Variants in GRK2 observed in about 807,000 individuals in gnomAD.
GRK2 encodes the protein adrenergic beta receptor kinase 1.
Under a neutral mutation model 97.8 loss-of-function variants are expected in GRK2, and 23 were observed. The observed-to-expected ratio is 0.24, with a 90% CI of 0.17 to 0.33. The LOEUF is 0.33. GRK2 is among the 10% of genes least tolerant of loss of function. GRK2 has a pLI of 1.00. For missense variants in GRK2, 633 were observed against 956.9 expected, an observed-to-expected ratio of 0.66 and a Z score of 4.47; for synonymous variants, 425 against 381.7, an observed-to-expected ratio of 1.11 and a Z score of -1.32.
chr11:67,285,656 C>G lies in GRK2; in HGVS notation c.*206C>G. Reference sequence around the variant, plus strand: ...TGCCCGGCGCCCTCTGTCCTGACTTCAGGGGCTGCCCGCTCCCAGTGTCTT... The same window carrying G: ...TGCCCGGCGCCCTCTGTCCTGACTTGAGGGGCTGCCCGCTCCCAGTGTCTT... On this transcript the variant is annotated 3_prime_UTR_variant, in exon 21 of 21. Transcript: ENST00000308595. The G allele has an allele frequency of 1.7e-6, 1 of 589,260 alleles. No individual in the cohort carries two copies. The allele number at this position is 589,260 out of a possible 1,614,324, so 36.5% of individuals were successfully genotyped here.
chr11:67,284,080 C>T, intron 17 of GRK2, 131 bp downstream of exon 17: 1 of 1,457,192 alleles, frequency 6.9e-7, no homozygotes, highest in South Asian at 1.2e-5. Flanking sequence ...TCCTCCTTGG[C>T]CAACTTCCCT....
intron 1 of GRK2, 25 bp from the exon 2 acceptor site, chr11:67,277,247 C>T: frequency 6.2e-7 from 1 of 1,612,134 alleles, no homozygotes; most frequent in African/African-American, 1.3e-5. Flanking sequence ...GGGGCTTCTG[C>T]TTACTGCGCC....
chr11:67,271,394 G>T (rs1043180722), intron 1 of GRK2, among the ~76,000 whole-genome samples: 5 of 152,256 alleles, frequency 3.3e-5, no homozygotes, highest in Admixed American at 2.0e-4. Flanking sequence ...GTATTAACAT[G>T]TTGGCAGCTC....
At chr11:67,277,096 T>G in intron 1 of GRK2, 176 bp from the exon 2 acceptor site, 2 of 550,170 alleles carry the variant, frequency 3.6e-6, no homozygotes, top group East Asian at 6.5e-5. Flanking sequence ...AGGCAAAGGC[T>G]TCCTTGAAGC....
chr11:67,284,106 C>T (rs1860219003), intron 17 of GRK2, 105 bp from the exon 18 acceptor site: 2 of 1,513,410 alleles, frequency 1.3e-6, no homozygotes, highest in Non-Finnish European at 1.8e-6. Flanking sequence ...GTGGCAGTTG[C>T]ACTGACCATC....
At chr11:67,284,788 TCAAAA>T (rs1590856213) in intron 18 of GRK2, 54 bp from the exon 19 acceptor site, 2 of 1,577,532 alleles carry the variant, frequency 1.3e-6, no homozygotes, top group East Asian at 4.6e-5. Context: ...AGACCCTGTC[TCAAAA>T]CAAAAAAGAA....
At chr11:67,277,498 C>T (rs1264355548) in intron 2 of GRK2, 150 bp downstream of exon 2, 2 of 694,524 alleles carry the variant, frequency 2.9e-6, no homozygotes, top group Non-Finnish European at 4.9e-6. Context: ...TGCTCCAAGT[C>T]GCTGCGACCC....
chr11:67,283,270 C>G (rs1860195015), intron 15 of GRK2, 42 bp downstream of exon 15: 1 of 1,548,698 alleles, frequency 6.5e-7, no homozygotes, highest in Admixed American at 1.7e-5. Flanking sequence ...GGCTGTGCCC[C>G]CATGAGGACA....
Position 67,282,779 on chromosome 11 carries a change from C to T in GRK2, c.1188C>T (p.Thr396=), listed in dbSNP as rs748718690. 6.2e-7 allele frequency: 1 copy of T among 1,611,216 alleles called. No individual in the cohort carries two copies. Among genetic ancestry groups the T allele is most frequent in the East Asian group, 2.2e-5 (1 of 44,854 alleles). Residue 396 remains threonine (T), a synonymous_variant, in exon 14 of 21, where the codon ACC becomes ACT. Transcript: ENST00000308595. This position sits in a 1 kb window ranked among gnomAD's most constrained non-coding sequence, Gnocchi z 6.9. ...RGHSPFRQHK[T]KDKHEIDRMT... ...ACAGCCCCTTCCGGCAGCACAAGAC[C>T]AAAGACAAGCATGAGATCGACCGCA...
At chr11:67,284,710 A>G (rs1251362573) in intron 18 of GRK2, 137 bp from the exon 19 acceptor site, 21 of 1,188,892 alleles carry the variant, frequency 1.8e-5, no homozygotes, top group Non-Finnish European at 2.2e-5. Flanking sequence ...GATCGTTTGA[A>G]CCTGGGAGGT....
At position 67,286,278 on chromosome 11, in the gene GRK2, A is replaced by T. The variant is rs557882223; in HGVS notation, c.*828A>T. On this transcript the variant is annotated 3_prime_UTR_variant, in exon 21 of 21. Coordinates refer to ENST00000308595, the MANE Select transcript of GRK2 (RefSeq NM_001619.5). ...ACAGCAAGGAGGCTGGCTGGGGCCTATCAGTGTGCCCCCCATCCTGGCCCA... is the reference window on the plus strand; with the variant it reads ...ACAGCAAGGAGGCTGGCTGGGGCCTTTCAGTGTGCCCCCCATCCTGGCCCA... The T allele has an allele frequency of 1.6e-6, 1 of 623,260 alleles. No individual in the cohort carries two copies. The highest frequency in any genetic ancestry group is 2.9e-6 in the Non-Finnish European group (1 of 348,420). 38.6% of individuals were successfully genotyped at this position (623,260 alleles called of 1,614,324 possible).
In GRK2 at chr11:67,281,728, G is replaced by A; in HGVS notation, c.826G>A (p.Gly276Ser). The change falls in exon 10 of 21, where the codon GGT (glycine) becomes AGT (serine). Residue 276 changes from glycine to serine, a missense_variant and splice_region_variant. Around this residue, in one of 4 missense-constraint regions of GRK2, gnomAD observed 192 missense variants for 362.3 expected, o/e 0.53. Coordinates refer to ENST00000308595, the MANE Select transcript of GRK2 (RefSeq NM_001619.5). This position sits in a 1 kb window ranked among gnomAD's most constrained non-coding sequence, Gnocchi z 5.7. The stretch of plus-strand genomic sequence containing the variant: ...CAGCTTCATCCTGGACCTCATGAAC[G>A]GTGAGTGCTGGCCGGGCCCTAGGGT... ...KLSFILDLMN[G>S]GDLHYHLSQH... 3 of 1,611,524 alleles carry A rather than the reference G, an allele frequency of 1.9e-6. No individual in the cohort carries two copies. The highest frequency in any genetic ancestry group is 2.5e-6 in the Non-Finnish European group (3 of 1,178,902).
intron 1 of GRK2, among the ~76,000 whole-genome samples, chr11:67,268,742 G>A (rs1002323024): frequency 6.6e-6 from 1 of 152,208 alleles, no homozygotes; most frequent in Non-Finnish European, 1.5e-5. Context: ...AGTGATGGCG[G>A]TGATAGCAAT....
rs567332949 is a variant in GRK2, at chr11:67,275,449, C to T, written c.114-1823C>T. Among the ~76,000 whole-genome samples, 9 of 152,296 alleles carry T rather than the reference C, an allele frequency of 5.9e-5. No homozygotes were observed. The East Asian group carries it at 9.7e-4, about 16-fold the overall frequency. On this transcript the variant is annotated intron_variant, in intron 1 of 20. Transcript: ENST00000308595. ...GCCTCATAACCCTTCTCCCGGTCCC[C>T]GACAGCCTGAGCCTTCTCCCACCCA... is the stretch of plus-strand genomic sequence containing the variant.
chr11:67,278,206 C>T (rs1443522730), intron 2 of GRK2, among the ~76,000 whole-genome samples: 1 of 152,232 alleles, frequency 6.6e-6, no homozygotes, highest in South Asian at 2.1e-4. Context: ...GCACTAAAGG[C>T]CAGGCAGTGA....
chr11:67,282,578 G>A lies in GRK2; in HGVS notation c.1160+36G>A. 6.2e-7 allele frequency: 1 copy of A among 1,602,078 alleles called. No homozygotes were observed. The highest frequency in any genetic ancestry group is 8.5e-7 in the Non-Finnish European group (1 of 1,171,178). ...CATCCCAGGTGGGCAGGTGGGTTGG[G>A]GCTAAGAGAAGTTCCTCCCCAATCC... On this transcript the variant is annotated intron_variant, in intron 13 of 20. Coordinates refer to ENST00000308595, the MANE Select transcript of GRK2 (RefSeq NM_001619.5). The surrounding 1 kb of genome is among the most constrained non-coding windows in gnomAD (Gnocchi z 6.9).
At chr11:67,280,349 T>C in intron 6 of GRK2, 1 of 384,808 alleles carries the variant, frequency 2.6e-6, no homozygotes, top group Non-Finnish European at 4.8e-6. Context: ...GCAGCTGTTT[T>C]AGGGTCACTG....
rs998600736 is a variant in GRK2, at chr11:67,281,236, G to A, written c.647+52G>A. 1 of 1,536,986 alleles carries A rather than the reference G, an allele frequency of 6.5e-7. No homozygotes were observed. Among genetic ancestry groups the A allele is most frequent in the Non-Finnish European group, 8.9e-7 (1 of 1,118,806 alleles). On this transcript the variant is annotated intron_variant, in intron 8 of 20. Coordinates refer to ENST00000308595, the MANE Select transcript of GRK2 (RefSeq NM_001619.5). This position sits in a 1 kb window ranked among gnomAD's most constrained non-coding sequence, Gnocchi z 5.7. ...ATACCTCGGGGAGCCGGGCTCCTGG[G>A]GGACCCTGACAGGCCGGGTTCCACA... is the stretch of plus-strand genomic sequence containing the variant.
Position 67,282,085 on chromosome 11 carries a change from T to C in GRK2, c.957+133T>C. 7.6e-7 allele frequency: 1 copy of C among 1,314,886 alleles called. No homozygotes were observed. Among genetic ancestry groups the C allele is most frequent in the Non-Finnish European group, 1.1e-6 (1 of 949,492 alleles). The allele number at this position is 1,314,886 out of a possible 1,614,324, so 81.5% of individuals were successfully genotyped here. On this transcript the variant is annotated intron_variant, in intron 11 of 20. Transcript: ENST00000308595. The surrounding 1 kb of genome is among the most constrained non-coding windows in gnomAD (Gnocchi z 6.9). Reference sequence around the variant, plus strand: ...CCCCGTATCTTCCCATCTCCGCCCCTGCCCTTCCCACCGAGCCACTCTCTG... The same window carrying C: ...CCCCGTATCTTCCCATCTCCGCCCCCGCCCTTCCCACCGAGCCACTCTCTG...
Sources: gnomAD v4.1 joint callset for allele counts (sites outside exome capture counted in the v4.1 genomes callset) on GRCh38, gnomAD v4.1.1 for gene constraint, gnomAD v4.1.1 regional missense constraint, Gnocchi (gnomAD v3.1) non-coding constraint, MANE v1.5 for transcripts, NCBI Gene and HGNC (gene_info 2026-07-23, HGNC 2026-07-21) for gene names.